The following RBFOX1 variants were observed in gnomAD, a reference collection of about 807,000 sequenced individuals.
RBFOX1 encodes the protein RNA binding fox-1 homolog 1.
Under a neutral mutation model 57.7 loss-of-function variants are expected in RBFOX1, and 8 were observed. The ratio of observed to expected loss-of-function variants is 0.14; its 90% confidence interval spans 0.08 to 0.25. RBFOX1 has a LOEUF of 0.25. Among genes scored for constraint, RBFOX1 ranks in the 10% least tolerant of loss-of-function variants. RBFOX1 has a pLI of 1.00. For synonymous variants in RBFOX1, 326 were observed against 222.4 expected, an observed-to-expected ratio of 1.47 and a Z score of -4.15; for missense variants, 611 against 548.5, an observed-to-expected ratio of 1.11 and a Z score of -1.14.
chr16:5,459,840 T>C (rs1211717586), intron 1 of RBFOX1, among the ~76,000 whole-genome samples: 1 of 152,094 alleles, frequency 6.6e-6, no homozygotes, highest in African/African-American at 2.4e-5. Flanking sequence ...AATGTGAGAT[T>C]AACAGCTCCA....
intron 2 of RBFOX1, among the ~76,000 whole-genome samples, chr16:5,481,305 C>G (rs955943543): frequency 9.2e-5 from 14 of 152,084 alleles, no homozygotes; most frequent in African/African-American, 3.4e-4. Context: ...ACACCCATGA[C>G]CTATTTCCTT....
intron 3 of RBFOX1, among the ~76,000 whole-genome samples, chr16:6,977,598 TTTCTGTGGAC>T (rs1342350550): frequency 6.6e-6 from 1 of 152,004 alleles, no homozygotes. Context: ...GACAGATGGA[TTTCTGTGGAC>T]TCCAAGCTTC....
chr16:5,352,882 G>A (rs1314901092), intron 1 of RBFOX1, among the ~76,000 whole-genome samples: 1 of 152,178 alleles, frequency 6.6e-6, no homozygotes. Flanking sequence ...GATTGAGGCT[G>A]CAGTCAGCTA....
intron 3 of RBFOX1, among the ~76,000 whole-genome samples, chr16:5,833,419 C>A (rs542714496): frequency 6.7e-6 from 1 of 148,456 alleles, no homozygotes; most frequent in African/African-American, 2.5e-5. Flanking sequence ...GGTGTGAACC[C>A]GGGAGGCGGA....
intron 4 of RBFOX1, among the ~76,000 whole-genome samples, chr16:7,343,980 C>G (rs2096945296): frequency 6.6e-6 from 1 of 152,082 alleles, no homozygotes; most frequent in African/African-American, 2.4e-5. Flanking sequence ...ACAACCAACA[C>G]CAATGCAATT....
chr16:6,772,722 G>C (rs1054493126), intron 3 of RBFOX1, among the ~76,000 whole-genome samples: 5 of 150,778 alleles, frequency 3.3e-5, no homozygotes, highest in Admixed American at 6.6e-5. Context: ...GTATGTGTGT[G>C]ATTGTGTATG....
intron 3 of RBFOX1, among the ~76,000 whole-genome samples, chr16:5,703,151 C>A (rs745319562): frequency 2.0e-5 from 3 of 152,128 alleles, no homozygotes; most frequent in Non-Finnish European, 4.4e-5. Context: ...AGATATGGAG[C>A]AAATGATCCT....
intron 3 of RBFOX1, among the ~76,000 whole-genome samples, chr16:6,787,944 C>T (rs143677403): frequency 1.3e-5 from 2 of 152,270 alleles, no homozygotes; most frequent in East Asian, 1.9e-4. Flanking sequence ...CCAATGAGGC[C>T]GGGCACGGTG....
At chr16:6,425,370 A>C (rs1312493094) in intron 2 of RBFOX1, among the ~76,000 whole-genome samples, 2 of 152,164 alleles carry the variant, frequency 1.3e-5, no homozygotes, top group Non-Finnish European at 2.9e-5. Context: ...TGATCAAATT[A>C]ACAGCCTCTC....
intron 4 of RBFOX1, among the ~76,000 whole-genome samples, chr16:7,488,120 C>G (rs1599737735): frequency 6.6e-6 from 1 of 152,120 alleles, no homozygotes; most frequent in African/African-American, 2.4e-5. Context: ...AGTGCTAATC[C>G]TCTTGCCGTG....
Position 5,386,105 on chromosome 16 carries a change from C to CT in RBFOX1, c.220-81097dup, listed in dbSNP as rs33929621. Among the ~76,000 whole-genome samples, 891 of 146,876 alleles carry CT rather than the reference C, an allele frequency of 6.1e-3. 6 individuals are homozygous for CT. The highest frequency in any genetic ancestry group is 0.02 in the African/African-American group (788 of 39,856). ...TGTTTTGAACTTGGAAAGTTTGCAA[C>CT]TTTTTTTTTTTTTTGGAGGGGGAGT... On this transcript the variant is annotated intron_variant, in intron 1 of 2. Coordinates refer to the RBFOX1 transcript ENST00000585867.
intron 4 of RBFOX1, among the ~76,000 whole-genome samples, chr16:6,013,080 C>G (rs184215015): frequency 6.6e-6 from 1 of 151,930 alleles, no homozygotes; most frequent in African/African-American, 2.4e-5. Flanking sequence ...TGTCATTGTC[C>G]CCATTTTATG....
intron 3 of RBFOX1, among the ~76,000 whole-genome samples, chr16:6,723,172 G>T (rs1323871758): frequency 1.3e-5 from 2 of 152,182 alleles, no homozygotes; most frequent in African/African-American, 4.8e-5. Context: ...ATTTAGGAAG[G>T]CAGTGTAATA....
intron 1 of RBFOX1, among the ~76,000 whole-genome samples, chr16:6,293,762 A>T (rs949044769): frequency 2.5e-5 from 3 of 120,816 alleles, no homozygotes; most frequent in African/African-American, 9.1e-5. Flanking sequence ...GCATGAATGT[A>T]ATTTTCCTAA....
chr16:7,480,202 G>T (rs1250565622), intron 4 of RBFOX1, among the ~76,000 whole-genome samples: 1 of 152,214 alleles, frequency 6.6e-6, no homozygotes, highest in East Asian at 1.9e-4. Flanking sequence ...TGGGTGAGGG[G>T]ATGTTCGTCT....
At chr16:7,391,775 A>C (rs901312824) in intron 4 of RBFOX1, among the ~76,000 whole-genome samples, 1 of 152,222 alleles carries the variant, frequency 6.6e-6, no homozygotes, top group African/African-American at 2.4e-5. Flanking sequence ...GGCTTTTAAC[A>C]GTGACTAAAA....
At chr16:7,022,862 C>T (rs1303711779) in intron 3 of RBFOX1, among the ~76,000 whole-genome samples, 1 of 152,154 alleles carries the variant, frequency 6.6e-6, no homozygotes, top group Non-Finnish European at 1.5e-5. Context: ...GAACAACTGC[C>T]TCCAATGTTC....
intron 3 of RBFOX1, among the ~76,000 whole-genome samples, chr16:6,815,583 C>T (rs182356162): frequency 2.6e-4 from 39 of 152,250 alleles, no homozygotes; most frequent in South Asian, 6.2e-4. Flanking sequence ...TTAATCCTCC[C>T]GTCATTAATC....
intron 3 of RBFOX1, among the ~76,000 whole-genome samples, chr16:5,653,504 G>C (rs890248148): frequency 2.0e-5 from 3 of 150,566 alleles, no homozygotes; most frequent in African/African-American, 7.3e-5. Flanking sequence ...CTTTGAGGAA[G>C]TTGGGGTGCG....
Sources: gnomAD v4.1 joint callset for allele counts (sites outside exome capture counted in the v4.1 genomes callset) on GRCh38, gnomAD v4.1.1 for gene constraint, MANE v1.5 for transcripts, NCBI Gene and HGNC (gene_info 2026-07-23, HGNC 2026-07-21) for gene names.